Variants in RP1 observed in about 807,000 individuals in gnomAD.
RP1 encodes oxygen-regulated protein 1.
Under a neutral mutation model 14.8 loss-of-function variants are expected in RP1, and 16 were observed. That is an observed-to-expected ratio of 1.08 (90% CI 0.73 to 1.65). The LOEUF (loss-of-function observed/expected upper bound fraction) is 1.65. Among genes scored for constraint, RP1 ranks in the 40% most tolerant of loss-of-function variants. The probability of loss-of-function intolerance (pLI) is 0.00; values close to 1 mark genes in which losing one functional copy is unlikely to be tolerated. For synonymous variants in RP1, 876 were observed against 883.6 expected (o/e 0.99, Z 0.15); for missense variants, 2,631 against 2,535.0 (o/e 1.04, Z -0.81).
intron 13 of RP1, among the ~76,000 whole-genome samples, chr8:54,700,020 A>G (rs1447556474): frequency 6.6e-6 from 1 of 152,198 alleles, no homozygotes; most frequent in Admixed American, 6.5e-5. Flanking sequence ...ATGTATTACA[A>G]TATTTCATTC....
Position 54,833,737 on chromosome 8 carries a change from T to A in RP1, c.3616-3713T>A, listed in dbSNP as rs529658458. Among the ~76,000 whole-genome samples the A allele has an allele frequency of 3.3e-5, 5 of 152,146 alleles. No homozygotes were observed. In the South Asian group the frequency reaches 1.0e-3, roughly 32 times the overall value. ...ATTGTTCATTCATTTAAATAGCAAC[T>A]AATTGGATTACAAACTGTTATTGTT... is the stretch of plus-strand genomic sequence containing the variant. On this transcript the variant is annotated intron_variant, in intron 24 of 28. Coordinates refer to the RP1 transcript ENST00000637698.
chr8:54,788,460 C>A (rs1283222886), intron 24 of RP1, among the ~76,000 whole-genome samples: 2 of 151,986 alleles, frequency 1.3e-5, no homozygotes, highest in East Asian at 3.9e-4. Flanking sequence ...ATCTTCTTTT[C>A]CATTCTTTCC....
intron 16 of RP1, among the ~76,000 whole-genome samples, chr8:54,724,840 G>A (rs1188688641): frequency 6.6e-6 from 1 of 152,188 alleles, no homozygotes; most frequent in Non-Finnish European, 1.5e-5. Flanking sequence ...TTGAGAAGTG[G>A]AGGTAGAATT....
chr8:54,695,601 A>T (rs1308534257), intron 12 of RP1, among the ~76,000 whole-genome samples: 1 of 152,178 alleles, frequency 6.6e-6, no homozygotes, highest in African/African-American at 2.4e-5. Context: ...ATTTTCAGGA[A>T]CACCTTTAGT....
Position 54,621,040 on chromosome 8 carries a change from G to C in RP1, c.74G>C (p.Arg25Pro). Reference sequence around the variant, plus strand: ...TCTGAAGGTCAAGTTCCACCCCCTCGCCATTTGAGCCTCACTCATCCTGTT... The same window carrying C: ...TCTGAAGGTCAAGTTCCACCCCCTCCCCATTTGAGCCTCACTCATCCTGTT... ...TSSEGQVPPP[R>P]HLSLTHPVVA... The change falls in exon 2 of 4, where the codon CGC becomes CCC. Residue 25 changes from arginine (R) to proline (P), a missense_variant. By Grantham distance (103) the Arg-to-Pro change is moderately radical (BLOSUM62 -2). Coordinates refer to ENST00000220676, the MANE Select transcript of RP1 (RefSeq NM_006269.2). 1 of 1,613,994 alleles carries C rather than the reference G, an allele frequency of 6.2e-7. No individual in the cohort carries two copies. The highest frequency in any genetic ancestry group is 8.5e-7 in the Non-Finnish European group (1 of 1,180,014).
chr8:54,652,663 T>G, intron 4 of RP1: 1 of 686,652 alleles, frequency 1.5e-6, no homozygotes, highest in South Asian at 1.7e-5. Context: ...ATGTTTATAA[T>G]TCTTATGTCT....
chr8:54,825,719 T>G (rs1401471489), intron 24 of RP1, among the ~76,000 whole-genome samples: 1 of 152,222 alleles, frequency 6.6e-6, no homozygotes, highest in Non-Finnish European at 1.5e-5. Context: ...CCAACAGTAC[T>G]TGTGGATATG....
At position 54,833,645 on chromosome 8, in the gene RP1, G is replaced by A. The variant is rs187877547; in HGVS notation, c.3616-3805G>A. Among the ~76,000 whole-genome samples the A allele has an allele frequency of 9.9e-5, 15 of 152,066 alleles. No homozygotes were observed. In the East Asian group the frequency reaches 2.9e-3, roughly 29 times the overall value. On this transcript the variant is annotated intron_variant, in intron 24 of 28. Transcript: ENST00000637698. ...CGCAACTCCTTCAAAAACATATCAG[G>A]ACTTTGTTTTCCAATAGAAATCATT... is the stretch of plus-strand genomic sequence containing the variant.
At chr8:54,595,519 C>T (rs927728917) in intron 1 of RP1, among the ~76,000 whole-genome samples, 1 of 152,170 alleles carries the variant, frequency 6.6e-6, no homozygotes, top group Non-Finnish European at 1.5e-5. Flanking sequence ...AAACTGCAAT[C>T]TTTTAACATC....
In RP1 at chr8:54,629,375, T is replaced by G. The variant is rs1289216234; in HGVS notation, c.5493T>G (p.His1831Gln). The change falls in exon 4 of 4, where the codon CAT becomes CAG. Residue 1831 changes from histidine (H) to glutamine (Q), a missense_variant. Coordinates refer to ENST00000220676, the MANE Select transcript of RP1 (RefSeq NM_006269.2). ...ATGGTAGTGACTCAGAACCTTTTCA[T>G]GAGGACTTGCTGGATGTTCGCAATG... ...MPHGSDSEPF[H>Q]EDLLDVRNET... The G allele has an allele frequency of 1.2e-6, 2 of 1,614,138 alleles. No homozygotes were observed. Among genetic ancestry groups the G allele is most frequent in the Admixed American group, 1.7e-5 (1 of 60,016 alleles).
chr8:54,614,297 G>T (rs1233524365), upstream of RP1, among the ~76,000 whole-genome samples: 2 of 152,178 alleles, frequency 1.3e-5, no homozygotes, highest in African/African-American at 4.8e-5. Flanking sequence ...ATGACATACA[G>T]GTAATCTCAG....
intron 3 of RP1, among the ~76,000 whole-genome samples, chr8:54,645,444 C>G (rs1472272852): frequency 6.6e-6 from 1 of 152,062 alleles, no homozygotes; most frequent in Non-Finnish European, 1.5e-5. Flanking sequence ...GTGGTTTTAG[C>G]TTATTTACAT....
At chr8:54,870,990 G>C (rs147772840) in exon 29 of RP1, 15 of 152,020 alleles carry the variant, frequency 9.9e-5, no homozygotes, top group African/African-American at 3.6e-4. Context: ...ATGAAATCAG[G>C]CAGAGGGGCC....
At position 54,627,288 on chromosome 8, in the gene RP1, C is replaced by T. The variant is rs200689590; in HGVS notation, c.3406C>T (p.Leu1136=). ...TCTCCTTCTAGCTTGGCTCTTGGTG[C>T]TAAACCTAAAGGGAAGTATGAATAG... ...TNLLLAWLLV[L]NLKGSMNSFC... is the part of the protein sequence containing the mutation. The change falls in exon 4 of 4, where the codon CTA becomes TTA. Residue 1136 remains leucine, a synonymous_variant. Coordinates refer to ENST00000220676, the MANE Select transcript of RP1 (RefSeq NM_006269.2). 1.2e-6 allele frequency: 2 copies of T among 1,614,090 alleles called. No individual in the cohort carries two copies. The highest frequency in any genetic ancestry group is 1.1e-5 in the South Asian group (1 of 91,078).
intron 16 of RP1, among the ~76,000 whole-genome samples, chr8:54,722,190 C>A (rs1259620114): frequency 1.3e-5 from 2 of 150,286 alleles, no homozygotes; most frequent in Non-Finnish European, 2.9e-5. Flanking sequence ...TGAGAACGCT[C>A]CCCTGCACTC....
At chr8:54,862,351 C>T (rs1312363072) in intron 27 of RP1, among the ~76,000 whole-genome samples, 6 of 152,086 alleles carry the variant, frequency 3.9e-5, no homozygotes, top group African/African-American at 4.8e-5. Flanking sequence ...CTTTACTTTA[C>T]GTAAGTTGGT....
rs377481830 is a variant in RP1, at chr8:54,736,462, G to A, written c.2721+1718G>A. Reference sequence around the variant, plus strand: ...CAGTATCCTACTTAGCACAAGGTGGGTAATAATACTCACTTAAAAGCCTTG... The same window carrying A: ...CAGTATCCTACTTAGCACAAGGTGGATAATAATACTCACTTAAAAGCCTTG... On this transcript the variant is annotated intron_variant, in intron 18 of 22. Transcript: ENST00000636932. Among the ~76,000 whole-genome samples the A allele has an allele frequency of 7.4e-4, 113 of 152,210 alleles. 1 individual carries two copies. The highest frequency in any genetic ancestry group is 2.2e-3 in the African/African-American group (93 of 41,540).
intron 25 of RP1, chr8:54,852,515 C>G (rs1367192183): frequency 4.4e-6 from 5 of 1,126,106 alleles, no homozygotes; most frequent in Non-Finnish European, 5.6e-6. Context: ...GAATATCTAA[C>G]TACATTCAAA....
At chr8:54,589,230 A>G (rs994475262) in intron 1 of RP1, among the ~76,000 whole-genome samples, 5 of 152,128 alleles carry the variant, frequency 3.3e-5, no homozygotes, top group Admixed American at 6.6e-5. Context: ...AGTTGACTCT[A>G]TAGAGTTATT....
Sources: allele counts gnomAD v4.1 joint callset (sites outside exome capture counted in the v4.1 genomes callset), GRCh38; gene constraint gnomAD v4.1.1; transcripts MANE v1.5; gene names NCBI Gene and HGNC (gene_info 2026-07-23, HGNC 2026-07-21).